Variants in PDZRN3 observed in about 807,000 individuals in gnomAD.
PDZRN3 encodes E3 ubiquitin-protein ligase PDZRN3.
A neutral mutation model predicts 85.7 loss-of-function variants in PDZRN3; 38 were observed. The observed-to-expected ratio is 0.44, with a 90% CI of 0.34 to 0.58. The LOEUF (loss-of-function observed/expected upper bound fraction) is 0.58. Ranked by LOEUF, PDZRN3 falls within the 20% of genes least tolerant of loss-of-function variation. The probability of loss-of-function intolerance (pLI) is 0.01; values close to 1 mark genes in which losing one functional copy is unlikely to be tolerated. For synonymous variants in PDZRN3, 759 were observed against 638.0 expected (o/e 1.19, Z -2.86); for missense variants, 1,629 against 1,506.4 (o/e 1.08, Z -1.35).
intron 8 of PDZRN3, 27 bp from the exon 9 acceptor site, chr3:73,385,812 C>A (rs772424866): frequency 1.6e-6 from 2 of 1,262,726 alleles, no homozygotes; most frequent in Non-Finnish European, 2.3e-6. Flanking sequence ...CCAACACATG[C>A]CTTAGAAGTT....
intron 3 of PDZRN3, among the ~76,000 whole-genome samples, chr3:73,600,121 T>C (rs1575758330): frequency 1.3e-5 from 2 of 152,150 alleles, no homozygotes; most frequent in East Asian, 1.9e-4. Context: ...AGAGAACAGA[T>C]ACCATTAAGA....
intron 3 of PDZRN3, among the ~76,000 whole-genome samples, chr3:73,524,065 G>C (rs9870035): frequency 1.2e-4 from 18 of 152,060 alleles, no homozygotes; most frequent in Non-Finnish European, 2.4e-4. Context: ...ACACTTCCCC[G>C]GGACCTCTCC....
At chr3:73,397,275 T>C (rs754163303) in intron 5 of PDZRN3, among the ~76,000 whole-genome samples, 2 of 152,246 alleles carry the variant, frequency 1.3e-5, no homozygotes, top group Non-Finnish European at 2.9e-5. Flanking sequence ...TCGTATATAA[T>C]ATCCATGGAA....
Position 73,383,954 on chromosome 3 carries a change from G to A in PDZRN3, c.2612C>T (p.Ala871Val), listed in dbSNP as rs1472294841. The change falls in exon 10 of 10, where the codon GCG (alanine) becomes GTG (valine). Residue 871 changes from alanine to valine, a missense_variant. Coordinates refer to ENST00000263666, the MANE Select transcript of PDZRN3 (RefSeq NM_015009.3). ...GTGCTGGGCGTGCGCCGGGATGTGC[G>A]CGTGCTTGTATGGGGAGTGGTGATA... ...PSYHHSPYKH[A>V]HIPAHAQHYQ... is the part of the protein sequence containing the mutation. 7.5e-6 allele frequency: 12 copies of A among 1,601,254 alleles called. No individual in the cohort carries two copies. The highest frequency in any genetic ancestry group is 8.5e-6 in the Non-Finnish European group (10 of 1,174,538).
chr3:73,456,881 C>T (rs1206900689), intron 3 of PDZRN3, among the ~76,000 whole-genome samples: 1 of 151,838 alleles, frequency 6.6e-6, no homozygotes, highest in African/African-American at 2.4e-5. Flanking sequence ...GATTTCTGTG[C>T]TACGAATTTC....
intron 3 of PDZRN3, among the ~76,000 whole-genome samples, chr3:73,511,373 A>C (rs1704161105): frequency 6.6e-6 from 1 of 151,954 alleles, no homozygotes; most frequent in Admixed American, 6.5e-5. Context: ...CCTTTATAAA[A>C]CGCCTCTACT....
chr3:73,475,479 T>A (rs964266110), intron 3 of PDZRN3, among the ~76,000 whole-genome samples: 2 of 152,362 alleles, frequency 1.3e-5, no homozygotes, highest in Admixed American at 1.3e-4. Flanking sequence ...GAACCCATTA[T>A]GTTTTGTTGC....
chr3:73,396,219 C>G (rs1362019597), intron 5 of PDZRN3, among the ~76,000 whole-genome samples: 1 of 146,930 alleles, frequency 6.8e-6, no homozygotes, highest in Non-Finnish European at 1.5e-5. Context: ...AGTCTCAAAA[C>G]AAACAAAAAA....
chr3:73,495,132 T>C (rs756378468), intron 3 of PDZRN3, among the ~76,000 whole-genome samples: 3 of 152,206 alleles, frequency 2.0e-5, no homozygotes, highest in Non-Finnish European at 2.9e-5. Context: ...AATATGCCCA[T>C]GTAACAATCA....
chr3:73,478,575 T>C (rs1052893097), intron 3 of PDZRN3, among the ~76,000 whole-genome samples: 10 of 151,504 alleles, frequency 6.6e-5, no homozygotes, highest in African/African-American at 1.9e-4. Flanking sequence ...AATAATAATG[T>C]AGTAATAATA....
intron 3 of PDZRN3, among the ~76,000 whole-genome samples, chr3:73,493,232 T>A (rs959534918): frequency 6.6e-6 from 1 of 152,168 alleles, no homozygotes; most frequent in South Asian, 2.1e-4. Flanking sequence ...TAGACTCTTA[T>A]GTTCTACCTG....
In PDZRN3 at chr3:73,387,532, T is replaced by C. The variant is rs191437829; in HGVS notation, c.1518+436A>G. Among the ~76,000 whole-genome samples the C allele has an allele frequency of 3.9e-5, 6 of 152,330 alleles. No individual in the cohort carries two copies. In the East Asian group the frequency reaches 1.2e-3, roughly 29 times the overall value. ...GGAGGGCCTAGCACTTATTCGGTGG[T>C]CATATCAGTTTTAATTATTTATCAT... On this transcript the variant is annotated intron_variant, in intron 8 of 9. Coordinates refer to ENST00000263666, the MANE Select transcript of PDZRN3 (RefSeq NM_015009.3).
At chr3:73,480,267 T>A (rs1398660652) in intron 3 of PDZRN3, among the ~76,000 whole-genome samples, 2 of 152,158 alleles carry the variant, frequency 1.3e-5, no homozygotes, top group Non-Finnish European at 2.9e-5. Context: ...CTGAAAGAAT[T>A]CAAACCTCTC....
chr3:73,476,541 T>C (rs543174466), intron 3 of PDZRN3, among the ~76,000 whole-genome samples: 2 of 152,310 alleles, frequency 1.3e-5, no homozygotes, highest in East Asian at 3.9e-4. Flanking sequence ...AGGTAGTATG[T>C]TCCCACACTG....
chr3:73,624,907 A>C lies in PDZRN3; in HGVS notation c.-82T>G, dbSNP rs1440927613. 2.8e-6 allele frequency: 3 copies of C among 1,084,274 alleles called. No individual in the cohort carries two copies. The highest frequency in any genetic ancestry group is 3.5e-6 in the Non-Finnish European group (3 of 853,370). 67.2% of individuals were successfully genotyped at this position (1,084,274 alleles called of 1,614,324 possible). A position where few individuals can be genotyped will look rare whatever the true frequency, so the allele number is the denominator to read the frequency against. On this transcript the variant is annotated 5_prime_UTR_variant, in exon 1 of 10. Transcript: ENST00000263666. ...ACGAGGCGGCCCAGACAGGCCGGCT[A>C]CGCCGCCCGCGCGCTCGCTGGCTCT...
At chr3:73,472,684 A>C (rs1158333902) in intron 3 of PDZRN3, among the ~76,000 whole-genome samples, 1 of 152,228 alleles carries the variant, frequency 6.6e-6, no homozygotes, top group Non-Finnish European at 1.5e-5. Flanking sequence ...GGAATGATTA[A>C]ATTGAAATTT....
intron 3 of PDZRN3, among the ~76,000 whole-genome samples, chr3:73,457,859 A>G (rs929043169): frequency 1.3e-5 from 2 of 152,154 alleles, no homozygotes; most frequent in Non-Finnish European, 2.9e-5. Flanking sequence ...GGTCTTCACT[A>G]GACATCAAAT....
chr3:73,497,246 G>A (rs1703884015), intron 3 of PDZRN3, among the ~76,000 whole-genome samples: 1 of 152,128 alleles, frequency 6.6e-6, no homozygotes, highest in African/African-American at 2.4e-5. Context: ...TTGGAGAGCA[G>A]TAACACACAT....
intron 3 of PDZRN3, among the ~76,000 whole-genome samples, chr3:73,477,302 C>T (rs1703476698): frequency 6.6e-6 from 1 of 152,136 alleles, no homozygotes; most frequent in Non-Finnish European, 1.5e-5. Flanking sequence ...TATCTTGCTC[C>T]AGGACACATA....
Sources: gnomAD v4.1 joint callset for allele counts (sites outside exome capture counted in the v4.1 genomes callset) on GRCh38, gnomAD v4.1.1 for gene constraint, MANE v1.5 for transcripts, NCBI Gene and HGNC (gene_info 2026-07-23, HGNC 2026-07-21) for gene names.